LRRC28: variants seen among roughly 807,000 people sequenced by gnomAD.
LRRC28 encodes the protein leucine-rich repeat-containing protein 28.
A neutral mutation model predicts 45.7 loss-of-function variants in LRRC28; 39 were observed. That is an observed-to-expected ratio of 0.85 (90% confidence interval 0.66 to 1.12). The LOEUF (loss-of-function observed/expected upper bound fraction) is 1.12. LRRC28 is among the 50% of genes most tolerant of loss of function. The pLI is 0.00. For synonymous variants in LRRC28, 206 were observed against 178.8 expected, an observed-to-expected ratio of 1.15 and a Z score of -1.22; for missense variants, 435 against 438.5, an observed-to-expected ratio of 0.99 and a Z score of 0.07.
Position 99,386,369 on chromosome 15 carries a change from TC to T in LRRC28, c.*271del, listed in dbSNP as rs1597488119. On this transcript the variant is annotated 3_prime_UTR_variant, in exon 10 of 10. Coordinates refer to ENST00000301981, the MANE Select transcript of LRRC28 (RefSeq NM_144598.5). Reference sequence around the variant, plus strand: ...CAGAAACCATTTAGATTGATGGGCCTCCCCAAATCTAATTTAAAGCAAGTTT... The same window carrying T: ...CAGAAACCATTTAGATTGATGGGCCTCCCAAATCTAATTTAAAGCAAGTTT... 2.8e-6 allele frequency: 1 copy of T among 356,562 alleles called. No individual in the cohort carries two copies. Among genetic ancestry groups the T allele is most frequent in the Admixed American group, 4.3e-5 (1 of 23,334 alleles). The allele number at this position is 356,562 out of a possible 1,614,324, so 22.1% of individuals were successfully genotyped here. A position where few individuals can be genotyped will look rare whatever the true frequency, so the allele number is the denominator to read the frequency against.
chr15:99,259,990 G>C, intron 2 of LRRC28: 2 of 626,214 alleles, frequency 3.2e-6, no homozygotes, highest in African/African-American at 3.7e-5. Flanking sequence ...AAACAGCAAA[G>C]GAATCTACAG....
chr15:99,349,547 G>A (rs1257598617), intron 6 of LRRC28, among the ~76,000 whole-genome samples: 2 of 152,084 alleles, frequency 1.3e-5, no homozygotes, highest in South Asian at 2.1e-4. Context: ...TTCTAACTAC[G>A]ACTCAAACTC....
Position 99,352,477 on chromosome 15 carries a change from G to T in LRRC28, c.695+6G>T. ...AAAGTCATCGGGTGCAGTGGGTAAG[G>T]CCGATTTCACATTTTGAACTAAAAA... is the stretch of plus-strand genomic sequence containing the variant. On this transcript the variant is annotated splice_donor_region_variant and intron_variant, in intron 7 of 9. Transcript: ENST00000301981. The T allele has an allele frequency of 6.3e-7, 1 of 1,598,598 alleles. No individual in the cohort carries two copies. The highest frequency in any genetic ancestry group is 8.5e-7 in the Non-Finnish European group (1 of 1,171,460).
chr15:99,354,195 T>C (rs72758834), intron 7 of LRRC28, among the ~76,000 whole-genome samples: 4,103 of 152,308 alleles, frequency 0.027, 76 homozygotes, highest in Non-Finnish European at 0.044. Flanking sequence ...GCTTTCTTCA[T>C]AGAAACAGCT....
chr15:99,380,946 T>TGTTACCCAC (rs1397879540), intron 9 of LRRC28, among the ~76,000 whole-genome samples: 2 of 152,264 alleles, frequency 1.3e-5, no homozygotes, highest in Non-Finnish European at 2.9e-5. Flanking sequence ...CCGACCTTTC[T>TGTTACCCAC]ATCTGGCTGC....
chr15:99,384,652 A>G (rs11857349), intron 9 of LRRC28: 6,111 of 152,342 alleles, frequency 0.04, 177 homozygotes, highest in Non-Finnish European at 0.062. Context: ...CCGTGATGCC[A>G]TAGCAGTCAA....
chr15:99,283,915 C>T (rs952437654), intron 3 of LRRC28, among the ~76,000 whole-genome samples: 1 of 152,122 alleles, frequency 6.6e-6, no homozygotes, highest in Non-Finnish European at 1.5e-5. Context: ...AAGTCCTAAG[C>T]CTGTGATTAC....
At chr15:99,348,847 A>G (rs906148960) in intron 6 of LRRC28, among the ~76,000 whole-genome samples, 2 of 151,562 alleles carry the variant, frequency 1.3e-5, no homozygotes, top group African/African-American at 4.8e-5. Context: ...CTTATATTAA[A>G]TCTGTATATT....
chr15:99,377,757 A>G (rs960542970), intron 9 of LRRC28, among the ~76,000 whole-genome samples: 4 of 152,232 alleles, frequency 2.6e-5, no homozygotes, highest in African/African-American at 7.2e-5. Flanking sequence ...AGCTTTCTAC[A>G]TATGGCTAGC....
chr15:99,309,620 G>C (rs979292819), intron 5 of LRRC28, among the ~76,000 whole-genome samples: 1 of 152,140 alleles, frequency 6.6e-6, no homozygotes, highest in African/African-American at 2.4e-5. Context: ...TGTTGGCCAG[G>C]CTGGTCTTGA....
intron 5 of LRRC28, among the ~76,000 whole-genome samples, chr15:99,323,346 T>A (rs1328232489): frequency 2.6e-5 from 4 of 152,188 alleles, no homozygotes; most frequent in Non-Finnish European, 5.9e-5. Flanking sequence ...TTAAACTCCT[T>A]CTTAGGAAGA....
At chr15:99,299,448 CATAAT>C (rs1463404814) in intron 5 of LRRC28, among the ~76,000 whole-genome samples, 1 of 152,092 alleles carries the variant, frequency 6.6e-6, no homozygotes, top group Non-Finnish European at 1.5e-5. Context: ...TATAGGTACA[CATAAT>C]ATAGATACCA....
chr15:99,251,503 C>T lies in LRRC28; in HGVS notation c.-99C>T, dbSNP rs1007127004. 2 of 152,356 alleles carry T rather than the reference C, an allele frequency of 1.3e-5. No individual in the cohort carries two copies. The highest frequency in any genetic ancestry group is 4.8e-5 in the African/African-American group (2 of 41,416). 9.4% of individuals were successfully genotyped at this position (152,356 alleles called of 1,614,324 possible). On this transcript the variant is annotated 5_prime_UTR_variant, in exon 1 of 10. Coordinates refer to ENST00000301981, the MANE Select transcript of LRRC28 (RefSeq NM_144598.5). Reference sequence around the variant, plus strand: ...GCCGTCCCCCGCTTGGCTTCCAGCGCCGCTTGCGCTCCGGAGCGCTGGCTC... The same window carrying T: ...GCCGTCCCCCGCTTGGCTTCCAGCGTCGCTTGCGCTCCGGAGCGCTGGCTC...
chr15:99,278,869 C>T (rs1364984837), intron 3 of LRRC28, among the ~76,000 whole-genome samples: 2 of 152,170 alleles, frequency 1.3e-5, no homozygotes, highest in Non-Finnish European at 2.9e-5. Flanking sequence ...AAGGATCTTC[C>T]TCTATTCACG....
rs575113905 is a variant in LRRC28 at position 99,295,328 on chromosome 15, T to A, written c.385+7377T>A. ...CTATAACATTATTTGTCATAGAACA[T>A]ATTTAAACTAATTTTCTCCCAATGA... is the stretch of plus-strand genomic sequence containing the variant. On this transcript the variant is annotated intron_variant, in intron 5 of 9. Transcript: ENST00000301981. 7.2e-4 allele frequency among the ~76,000 whole-genome samples: 110 copies of A among 152,386 alleles called. 1 individual carries two copies. Among genetic ancestry groups the A allele is most frequent in the African/African-American group, 2.5e-3 (106 of 41,594 alleles).
At chr15:99,325,318 A>G in intron 5 of LRRC28, among the ~76,000 whole-genome samples, 1 of 152,194 alleles carries the variant, frequency 6.6e-6, no homozygotes, top group South Asian at 2.1e-4. Flanking sequence ...TATTAGTTCT[A>G]AGAGTTTTTG....
At chr15:99,363,444 C>T in intron 9 of LRRC28, 179 bp downstream of exon 9, 1 of 618,114 alleles carries the variant, frequency 1.6e-6, no homozygotes. Flanking sequence ...ACTGGACTTG[C>T]CTTTATTAAT....
chr15:99,361,728 G>A (rs1006929127), intron 8 of LRRC28, among the ~76,000 whole-genome samples: 2 of 152,190 alleles, frequency 1.3e-5, no homozygotes, highest in South Asian at 4.1e-4. Context: ...AAGAAAAATA[G>A]TTTTGATATT....
At position 99,387,937 on chromosome 15, in the gene LRRC28, T is replaced by G. The variant is rs1013533383; in HGVS notation, c.*1835T>G. 1.3e-5 allele frequency: 2 copies of G among 152,222 alleles called. No individual in the cohort carries two copies. The highest frequency in any genetic ancestry group is 4.8e-5 in the African/African-American group (2 of 41,450). The allele number at this position is 152,222 out of a possible 1,614,324, so 9.4% of individuals were successfully genotyped here. A position where few individuals can be genotyped will look rare whatever the true frequency, so the allele number is the denominator to read the frequency against. On this transcript the variant is annotated 3_prime_UTR_variant, in exon 10 of 10. Coordinates refer to ENST00000301981, the MANE Select transcript of LRRC28 (RefSeq NM_144598.5). ...CACCTGCTGCCCGGAAAGCACACCG[T>G]CCACGTAGAATGGAGAAGGCAGAAA...
Sources: allele counts gnomAD v4.1 joint callset (sites outside exome capture counted in the v4.1 genomes callset), GRCh38; gene constraint gnomAD v4.1.1; transcripts MANE v1.5; gene names NCBI Gene and HGNC (gene_info 2026-07-23, HGNC 2026-07-21).